The following GRIN2B variants were observed in gnomAD, a reference collection of about 807,000 sequenced individuals.
GRIN2B encodes glutamate receptor ionotropic, NMDA 2B.
GRIN2B carries 5 observed loss-of-function variants against 114.5 expected under a neutral mutation model. The observed-to-expected ratio is 0.04, with a 90% CI of 0.02 to 0.09. The LOEUF is 0.09. GRIN2B is among the 10% of genes least tolerant of loss of function. The probability of loss-of-function intolerance (pLI) is 1.00; values close to 1 mark genes in which losing one functional copy is unlikely to be tolerated. For synonymous variants in GRIN2B, 787 were observed against 745.1 expected (o/e 1.06, Z -0.92); for missense variants, 1,108 against 1,943.5 (o/e 0.57, Z 8.08).
chr12:13,696,157 T>C (rs1313220263), intron 4 of GRIN2B, among the ~76,000 whole-genome samples: 1 of 152,144 alleles, frequency 6.6e-6, no homozygotes, highest in Non-Finnish European at 1.5e-5. Flanking sequence ...AAAGGAAGCC[T>C]GGAGCATTAA....
chr12:13,855,310 A>G (rs1418072048), intron 3 of GRIN2B, among the ~76,000 whole-genome samples: 3 of 152,140 alleles, frequency 2.0e-5, no homozygotes, highest in Non-Finnish European at 2.9e-5. Flanking sequence ...TGAGGAAACT[A>G]AGGCTCAGAG....
intron 3 of GRIN2B, among the ~76,000 whole-genome samples, chr12:13,842,545 T>C (rs1259227868): frequency 6.6e-6 from 1 of 152,248 alleles, no homozygotes; most frequent in Non-Finnish European, 1.5e-5. Context: ...CATGTTCATC[T>C]ATTTCTCCAG....
rs1948313549 is a variant in GRIN2B at position 13,543,891 on chromosome 12, G to A, written c.*18892C>T. 6.7e-6 allele frequency: 1 copy of A among 149,852 alleles called. No homozygotes were observed. The highest frequency in any genetic ancestry group is 2.4e-5 in the African/African-American group (1 of 41,438). 9.3% of individuals were successfully genotyped at this position (149,852 alleles called of 1,614,324 possible). Reference sequence around the variant, plus strand: ...CCTGCTATTAATACAAACAAACCTGGTTAGTCCCCTGAAGCCAGTCCCTCT... The same window carrying A: ...CCTGCTATTAATACAAACAAACCTGATTAGTCCCCTGAAGCCAGTCCCTCT... On this transcript the variant is annotated 3_prime_UTR_variant, in exon 14 of 14. Transcript: ENST00000609686.
At chr12:13,883,311 C>A (rs1009185783) in intron 2 of GRIN2B, among the ~76,000 whole-genome samples, 1 of 152,158 alleles carries the variant, frequency 6.6e-6, no homozygotes, top group Non-Finnish European at 1.5e-5. Context: ...AGTACTTTAA[C>A]ATTTATATTT....
rs1948280134 is a variant in GRIN2B, at chr12:13,541,546, T to C, written c.*21237A>G. On this transcript the variant is annotated 3_prime_UTR_variant, in exon 14 of 14. Coordinates refer to ENST00000609686, the MANE Select transcript of GRIN2B (RefSeq NM_000834.5). ...CTCTTCCTTCCTAAATAGAGTTTAA[T>C]GCGTACTCAGTGCATAAAGTAAGGT... 1 of 152,298 alleles carries C rather than the reference T, an allele frequency of 6.6e-6. No individual in the cohort carries two copies. Among genetic ancestry groups the C allele is most frequent in the South Asian group, 2.1e-4 (1 of 4,832 alleles). 9.4% of individuals were successfully genotyped at this position (152,298 alleles called of 1,614,324 possible). A position where few individuals can be genotyped will look rare whatever the true frequency, so the allele number is the denominator to read the frequency against.
At chr12:13,945,377 G>A (rs1429621611) in intron 2 of GRIN2B, among the ~76,000 whole-genome samples, 4 of 152,086 alleles carry the variant, frequency 2.6e-5, no homozygotes, top group African/African-American at 4.8e-5. Context: ...TTTGTTTTCC[G>A]TATCACTCCA....
chr12:13,672,553 C>A (rs1950032670), intron 5 of GRIN2B, among the ~76,000 whole-genome samples: 1 of 152,134 alleles, frequency 6.6e-6, no homozygotes, highest in South Asian at 2.1e-4. Flanking sequence ...CACAACCCAG[C>A]CATTCCCTGG....
At chr12:13,784,119 G>A (rs926930796) in intron 3 of GRIN2B, among the ~76,000 whole-genome samples, 1 of 148,744 alleles carries the variant, frequency 6.7e-6, no homozygotes, top group East Asian at 2.1e-4. Flanking sequence ...AGCTATTCAG[G>A]AGGCTGAGGC....
intron 2 of GRIN2B, among the ~76,000 whole-genome samples, chr12:13,908,604 G>A (rs1866582214): frequency 6.6e-6 from 1 of 152,126 alleles, no homozygotes; most frequent in Non-Finnish European, 1.5e-5. Flanking sequence ...CTTATAATGA[G>A]TTGAACTCTG....
In GRIN2B at chr12:13,608,596, C is replaced by G; in HGVS notation, c.2010+7G>C. 6.3e-7 allele frequency: 1 copy of G among 1,593,730 alleles called. No homozygotes were observed. Among genetic ancestry groups the G allele is most frequent in the Non-Finnish European group, 8.6e-7 (1 of 1,161,556 alleles). ...GAAAGACGGGAGATTTCAAATGAGT[C>G]TCTTACCTTTTTGTCGCTCAGGCCA... On this transcript the variant is annotated splice_region_variant and intron_variant, in intron 10 of 13. Transcript: ENST00000609686.
Position 13,541,634 on chromosome 12 carries a change from A to G in GRIN2B, c.*21149T>C. On this transcript the variant is annotated 3_prime_UTR_variant, in exon 14 of 14. Coordinates refer to ENST00000609686, the MANE Select transcript of GRIN2B (RefSeq NM_000834.5). ...TGTGGCGTTAGATGAGCCAAGATGA[A>G]CATAATTTAATCTTTTGGGGGAAAA... 6.6e-6 allele frequency: 1 copy of G among 152,238 alleles called. No individual in the cohort carries two copies. The highest frequency in any genetic ancestry group is 1.9e-4 in the East Asian group (1 of 5,192). The allele number at this position is 152,238 out of a possible 1,614,324, so 9.4% of individuals were successfully genotyped here. A position where few individuals can be genotyped will look rare whatever the true frequency, so the allele number is the denominator to read the frequency against.
chr12:13,959,744 T>TG (rs1190263209), intron 2 of GRIN2B, among the ~76,000 whole-genome samples: 4 of 146,362 alleles, frequency 2.7e-5, no homozygotes, highest in Non-Finnish European at 4.5e-5. Context: ...AGAGGAACAG[T>TG]GGGTTTCTTT....
At chr12:13,681,926 T>C (rs1336253511) in intron 4 of GRIN2B, among the ~76,000 whole-genome samples, 2 of 152,306 alleles carry the variant, frequency 1.3e-5, no homozygotes, top group African/African-American at 4.8e-5. Context: ...AGTTTCTTTT[T>C]AGAAATTATG....
At position 13,553,821 on chromosome 12, in the gene GRIN2B, T is replaced by C. The variant is rs1161682509; in HGVS notation, c.*8962A>G. 2.6e-5 allele frequency: 4 copies of C among 152,332 alleles called. No homozygotes were observed. Among genetic ancestry groups the C allele is most frequent in the African/African-American group, 9.6e-5 (4 of 41,578 alleles). The allele number at this position is 152,332 out of a possible 1,614,324, so 9.4% of individuals were successfully genotyped here. A position where few individuals can be genotyped will look rare whatever the true frequency, so the allele number is the denominator to read the frequency against. ...CCTAAAATTTGATCAATATCCTTCA[T>C]AGTTTCTCCCTCTGTCACTTACTTG... On this transcript the variant is annotated 3_prime_UTR_variant, in exon 14 of 14. Transcript: ENST00000609686.
At chr12:13,888,144 A>G (rs1429596922) in intron 2 of GRIN2B, among the ~76,000 whole-genome samples, 1 of 152,200 alleles carries the variant, frequency 6.6e-6, no homozygotes, top group Non-Finnish European at 1.5e-5. Context: ...TAACCCAAAA[A>G]AATCAATATA....
chr12:13,812,181 A>G (rs1420343883), intron 3 of GRIN2B, among the ~76,000 whole-genome samples: 3 of 152,198 alleles, frequency 2.0e-5, no homozygotes, highest in African/African-American at 7.2e-5. Flanking sequence ...ATATGTACTA[A>G]GCCCCAAATT....
intron 2 of GRIN2B, among the ~76,000 whole-genome samples, chr12:13,919,467 T>C (rs556124409): frequency 1.1e-4 from 16 of 152,362 alleles, no homozygotes. Context: ...ATATGTACTT[T>C]TGGAATGACC....
At chr12:13,754,368 A>C (rs1863540905) in intron 3 of GRIN2B, among the ~76,000 whole-genome samples, 1 of 152,208 alleles carries the variant, frequency 6.6e-6, no homozygotes, top group African/African-American at 2.4e-5. Flanking sequence ...ACACACATAC[A>C]TACTTTCCAT....
At chr12:13,598,556 T>G (rs1040220666) in intron 10 of GRIN2B, among the ~76,000 whole-genome samples, 4 of 152,138 alleles carry the variant, frequency 2.6e-5, no homozygotes, top group African/African-American at 9.7e-5. Flanking sequence ...GATGACACCC[T>G]CAAAGCAGCT....
Sources: gnomAD v4.1 joint callset for allele counts (sites outside exome capture counted in the v4.1 genomes callset) on GRCh38, gnomAD v4.1.1 for gene constraint, MANE v1.5 for transcripts, NCBI Gene and HGNC (gene_info 2026-07-23, HGNC 2026-07-21) for gene names.